Variants in ANKRD17 observed in about 807,000 individuals in gnomAD.
ANKRD17 encodes ankyrin repeat domain-containing protein 17.
In ANKRD17, 19 loss-of-function variants were observed where a neutral mutation model predicts 229.7. The ratio of observed to expected loss-of-function variants is 0.08; its 90% CI spans 0.06 to 0.12. ANKRD17 has a LOEUF of 0.12. Among genes scored for constraint, ANKRD17 ranks in the 10% least tolerant of loss-of-function variants. ANKRD17 has a pLI of 1.00. For missense variants in ANKRD17, 2,176 were observed against 3,176.8 expected (o/e 0.68, Z 7.57); for synonymous variants, 1,112 against 1,146.1 (o/e 0.97, Z 0.60).
intron 30 of ANKRD17, among the ~76,000 whole-genome samples, chr4:73,083,980 T>C (rs1029581613): frequency 1.2e-3 from 184 of 152,014 alleles, no homozygotes; most frequent in African/African-American, 4.1e-3. Flanking sequence ...TACTATAACT[T>C]CCTTAAGGGA....
At chr4:73,212,123 GGT>G (rs1013120095) in intron 1 of ANKRD17, among the ~76,000 whole-genome samples, 71 of 152,188 alleles carry the variant, frequency 4.7e-4, no homozygotes, top group African/African-American at 1.6e-3. Context: ...ACACTCCCAA[GGT>G]GTGGGTTGGG....
At chr4:73,105,335 C>CACACATAT (rs2148623350) in intron 24 of ANKRD17, among the ~76,000 whole-genome samples, 1 of 151,086 alleles carries the variant, frequency 6.6e-6, no homozygotes, top group East Asian at 1.9e-4. Flanking sequence ...TACACACATA[C>CACACATAT]ACCTACTATT....
At chr4:73,108,881 T>C (rs1724959357) in intron 24 of ANKRD17, among the ~76,000 whole-genome samples, 1 of 152,062 alleles carries the variant, frequency 6.6e-6, no homozygotes, top group Non-Finnish European at 1.5e-5. Flanking sequence ...TAAGTGTGTA[T>C]GCTGATGAGA....
intron 16 of ANKRD17, among the ~76,000 whole-genome samples, chr4:73,125,898 G>T (rs1308310157): frequency 6.6e-6 from 1 of 152,058 alleles, no homozygotes. Context: ...TTTGCTTTCA[G>T]CCATTAATGG....
At chr4:73,157,978 C>G (rs1422025457) in intron 3 of ANKRD17, among the ~76,000 whole-genome samples, 2 of 151,874 alleles carry the variant, frequency 1.3e-5, no homozygotes, top group African/African-American at 2.4e-5. Context: ...ATAGTCCCAG[C>G]TACTTGGGAG....
chr4:73,218,235 T>C (rs1741354886), intron 1 of ANKRD17, among the ~76,000 whole-genome samples: 1 of 152,224 alleles, frequency 6.6e-6, no homozygotes, highest in Non-Finnish European at 1.5e-5. Context: ...GGATATCCGC[T>C]TTTTAAGTCC....
At chr4:73,190,292 C>G (rs1324050192) in intron 1 of ANKRD17, among the ~76,000 whole-genome samples, 1 of 151,904 alleles carries the variant, frequency 6.6e-6, no homozygotes, top group Admixed American at 6.6e-5. Context: ...TCACTTGAAC[C>G]CGGGAGGCAG....
chr4:73,159,981 A>G (rs1475833729), intron 3 of ANKRD17, among the ~76,000 whole-genome samples: 1 of 152,200 alleles, frequency 6.6e-6, no homozygotes, highest in East Asian at 1.9e-4. Context: ...ATGTTGTATG[A>G]AAACACCATT....
At chr4:73,136,624 T>C (rs13120821) in intron 15 of ANKRD17, among the ~76,000 whole-genome samples, 5,580 of 152,234 alleles carry the variant, frequency 0.037, 157 homozygotes, top group Non-Finnish European at 0.054. Flanking sequence ...TACTAATATA[T>C]TAAATTGATA....
intron 1 of ANKRD17, among the ~76,000 whole-genome samples, chr4:73,250,688 T>TTTGTTGTTGTTG (rs537285641): frequency 6.7e-6 from 1 of 148,706 alleles, no homozygotes; most frequent in African/African-American, 2.5e-5. Flanking sequence ...TGTAACGGTT[T>TTTGTTGTTGTTG]TTGTTGTTGT....
intron 24 of ANKRD17, among the ~76,000 whole-genome samples, chr4:73,104,507 G>A (rs1344008040): frequency 6.6e-6 from 1 of 152,190 alleles, no homozygotes; most frequent in East Asian, 1.9e-4. Context: ...TATTATCAAA[G>A]CAGCTATGGC....
chr4:73,099,871 G>A (rs961987695), intron 25 of ANKRD17, among the ~76,000 whole-genome samples: 3 of 152,160 alleles, frequency 2.0e-5, no homozygotes, highest in African/African-American at 7.2e-5. Context: ...TTGCGGTGAT[G>A]GAGATGCAGT....
chr4:73,108,725 G>A (rs1452007292), intron 24 of ANKRD17, among the ~76,000 whole-genome samples: 1 of 152,144 alleles, frequency 6.6e-6, no homozygotes, highest in African/African-American at 2.4e-5. Flanking sequence ...ACAGATTCAG[G>A]ATAATGGAAG....
intron 10 of ANKRD17, among the ~76,000 whole-genome samples, chr4:73,146,068 A>C (rs888418106): frequency 2.0e-5 from 3 of 152,068 alleles, no homozygotes; most frequent in African/African-American, 4.8e-5. Context: ...CTAGACTGGA[A>C]GACCACCTAT....
At chr4:73,200,035 C>T (rs1738438831) in intron 1 of ANKRD17, among the ~76,000 whole-genome samples, 1 of 151,950 alleles carries the variant, frequency 6.6e-6, no homozygotes, top group Admixed American at 6.6e-5. Context: ...GATTATGGAA[C>T]AAAATGGATT....
At chr4:73,115,262 A>G (rs964251239) in intron 23 of ANKRD17, among the ~76,000 whole-genome samples, 1 of 152,180 alleles carries the variant, frequency 6.6e-6, no homozygotes, top group Non-Finnish European at 1.5e-5. Context: ...TGTTCACATA[A>G]AAATTAAATT....
At chr4:73,113,052 T>A in intron 24 of ANKRD17, 1 of 1,117,668 alleles carries the variant, frequency 8.9e-7, no homozygotes, top group Non-Finnish European at 1.1e-6. Context: ...CCTCCCAAAG[T>A]GCTGGGAATA....
At chr4:73,183,453 G>A (rs1213345062) in intron 1 of ANKRD17, among the ~76,000 whole-genome samples, 1 of 151,806 alleles carries the variant, frequency 6.6e-6, no homozygotes, top group Non-Finnish European at 1.5e-5. Context: ...GGGTTTTTTT[G>A]TTTTGTTTTG....
intron 1 of ANKRD17, among the ~76,000 whole-genome samples, chr4:73,188,533 C>T (rs572736395): frequency 4.0e-5 from 6 of 151,784 alleles, no homozygotes; most frequent in African/African-American, 9.7e-5. Context: ...TGCAGTGAGC[C>T]GAGATTGTGC....
Sources: allele counts gnomAD v4.1 joint callset (sites outside exome capture counted in the v4.1 genomes callset), GRCh38; gene constraint gnomAD v4.1.1; transcripts MANE v1.5; gene names NCBI Gene and HGNC (gene_info 2026-07-23, HGNC 2026-07-21).